ANKRD44: variants seen among roughly 807,000 people sequenced by gnomAD.
The protein encoded by ANKRD44 is ankyrin repeat domain 44, also known as serine/threonine-protein phosphatase 6 regulatory ankyrin repeat subunit B.
In ANKRD44, 35 loss-of-function variants were observed where a neutral mutation model predicts 116.0. That is an observed-to-expected ratio of 0.30 (90% CI 0.23 to 0.40). The LOEUF (loss-of-function observed/expected upper bound fraction) is 0.40, where lower values mean the gene tolerates loss of function less well. ANKRD44 is among the 10% of genes least tolerant of loss of function. The pLI is 1.00. For synonymous variants in ANKRD44, 435 were observed against 461.8 expected, an observed-to-expected ratio of 0.94 and a Z score of 0.74; for missense variants, 1,014 against 1,242.6, an observed-to-expected ratio of 0.82 and a Z score of 2.77.
chr2:196,995,337 T>A (rs778730304), intron 26 of ANKRD44, 42 bp downstream of exon 26: 21 of 1,430,788 alleles, frequency 1.5e-5, no homozygotes, highest in Middle Eastern at 1.8e-4. Context: ...AATAAATGAC[T>A]ATGACCCTGG....
chr2:197,229,601 A>G (rs2081807648), intron 1 of ANKRD44, among the ~76,000 whole-genome samples: 1 of 152,270 alleles, frequency 6.6e-6, no homozygotes, highest in Admixed American at 6.5e-5. Context: ...CAATATTGAC[A>G]GATAATATTT....
At chr2:197,230,119 C>A (rs2081823273) in intron 1 of ANKRD44, among the ~76,000 whole-genome samples, 1 of 152,032 alleles carries the variant, frequency 6.6e-6, no homozygotes, top group African/African-American at 2.4e-5. Flanking sequence ...TTCAGGGATG[C>A]ACTGTCTGTG....
intron 21 of ANKRD44, among the ~76,000 whole-genome samples, chr2:196,981,253 TACATAATC>T (rs1559392233): frequency 6.6e-6 from 1 of 152,230 alleles, no homozygotes; most frequent in Non-Finnish European, 1.5e-5. Context: ...ATCCATGATC[TACATAATC>T]ACATCCATTA....
chr2:197,132,243 T>C (rs566318101), intron 4 of ANKRD44, among the ~76,000 whole-genome samples: 1 of 152,094 alleles, frequency 6.6e-6, no homozygotes, highest in South Asian at 2.1e-4. Flanking sequence ...TAGGAAAGGG[T>C]CGTGGAATTG....
rs139549096 is a variant in ANKRD44, at chr2:196,987,765, G to A, written c.*1826C>T. On this transcript the variant is annotated 3_prime_UTR_variant, in exon 28 of 28. Coordinates refer to ENST00000282272, the MANE Select transcript of ANKRD44 (RefSeq NM_001195144.2). ...GTAAGTGCAATGAAACATGATCCTTGTAGTTGTGGTTAAAATACAGTCTAA... is the reference window on the plus strand; with the variant it reads ...GTAAGTGCAATGAAACATGATCCTTATAGTTGTGGTTAAAATACAGTCTAA... The A allele has an allele frequency of 1.0e-6, 1 of 985,306 alleles. No homozygotes were observed. Among genetic ancestry groups the A allele is most frequent in the Non-Finnish European group, 1.2e-6 (1 of 829,852 alleles). The allele number at this position is 985,306 out of a possible 1,614,324, so 61.0% of individuals were successfully genotyped here. A position where few individuals can be genotyped will look rare whatever the true frequency, so the allele number is the denominator to read the frequency against.
At chr2:197,176,136 C>A (rs1428236641) in intron 2 of ANKRD44, among the ~76,000 whole-genome samples, 2 of 152,140 alleles carry the variant, frequency 1.3e-5, no homozygotes, top group African/African-American at 4.8e-5. Flanking sequence ...GATGGCAGCA[C>A]AAAAGGAAAC....
intron 1 of ANKRD44, among the ~76,000 whole-genome samples, chr2:197,207,000 A>G (rs2081222662): frequency 6.6e-6 from 1 of 152,248 alleles, no homozygotes; most frequent in African/African-American, 2.4e-5. Flanking sequence ...TCATTCTTTG[A>G]AGAGAAGTGA....
intron 1 of ANKRD44, among the ~76,000 whole-genome samples, chr2:197,202,526 T>C (rs895519541): frequency 2.6e-5 from 4 of 152,150 alleles, no homozygotes; most frequent in African/African-American, 7.2e-5. Flanking sequence ...TGCTCAGAAC[T>C]GGTCAGAGTA....
rs2075858489 is a variant in ANKRD44, at chr2:196,988,050, GTCC to G, written c.*1538_*1540del. 7 of 985,206 alleles carry G rather than the reference GTCC, an allele frequency of 7.1e-6. No homozygotes were observed. The highest frequency in any genetic ancestry group is 3.5e-5 in the African/African-American group (2 of 57,208). 61.0% of individuals were successfully genotyped at this position (985,206 alleles called of 1,614,324 possible). ...GAGCATGATTTCATTTCGTTCCTTTGTCCTCCTTCTATGAGTAAGAGAGTGGGA... is the reference window on the plus strand; with the variant it reads ...GAGCATGATTTCATTTCGTTCCTTTGTCCTTCTATGAGTAAGAGAGTGGGA... On this transcript the variant is annotated 3_prime_UTR_variant, in exon 28 of 28. Coordinates refer to ENST00000282272, the MANE Select transcript of ANKRD44 (RefSeq NM_001195144.2).
Position 197,099,917 on chromosome 2 carries a change from G to C in ANKRD44, c.999C>G (p.Asp333Glu). Residue 333 changes from aspartate to glutamate, a missense_variant, in exon 10 of 28, where the codon GAC becomes GAG. Transcript: ENST00000282272. ...QTLIQNGGEI[D>E]CVDKDGNTPL... ...GAGTGTTGCCGTCCTTATCCACACAGTCAATTTCACCTCCTGAAAGAGATA... is the reference window on the plus strand; with the variant it reads ...GAGTGTTGCCGTCCTTATCCACACACTCAATTTCACCTCCTGAAAGAGATA... The C allele has an allele frequency of 1.2e-6, 2 of 1,614,022 alleles. No homozygotes were observed. The highest frequency in any genetic ancestry group is 1.7e-6 in the Non-Finnish European group (2 of 1,179,950).
rs1553489134 is a variant in ANKRD44, at chr2:197,026,055, A to AAAAC, written c.1651-789_1651-788insGTTT. 8.9e-3 allele frequency among the ~76,000 whole-genome samples: 1,352 copies of AAAAC among 151,388 alleles called. 52 individuals carry two copies. Among genetic ancestry groups the AAAAC allele is most frequent in the East Asian group, 0.075 (383 of 5,134 alleles). On this transcript the variant is annotated intron_variant, in intron 16 of 27. Coordinates refer to ENST00000282272, the MANE Select transcript of ANKRD44 (RefSeq NM_001195144.2). Reference sequence around the variant, plus strand: ...GGGGAGATAAAAAGAAACAAAAAAAAAAAAAACACCTTTCTGGGCAATTTG... The same window carrying AAAAC: ...GGGGAGATAAAAAGAAACAAAAAAAAAAACAAAAAACACCTTTCTGGGCAATTTG...
At chr2:197,214,128 A>G (rs1048964273) in intron 1 of ANKRD44, among the ~76,000 whole-genome samples, 3 of 152,184 alleles carry the variant, frequency 2.0e-5, no homozygotes, top group Admixed American at 2.0e-4. Context: ...GGAAATTACT[A>G]TAAGGAAATG....
chr2:197,233,155 C>A (rs889510394), intron 1 of ANKRD44, among the ~76,000 whole-genome samples: 2 of 152,234 alleles, frequency 1.3e-5, no homozygotes, highest in Non-Finnish European at 2.9e-5. Context: ...AATTCTGACC[C>A]TGTCACTTAA....
At chr2:197,118,651 G>GAAAGAAAGAAAGAAAA (rs1559077804) in intron 8 of ANKRD44, among the ~76,000 whole-genome samples, 14 of 150,394 alleles carry the variant, frequency 9.3e-5, no homozygotes, top group African/African-American at 3.2e-4. Context: ...AAGAAAGAAA[G>GAAAGAAAGAAAGAAAA]AAAGAAAGAA....
intron 16 of ANKRD44, among the ~76,000 whole-genome samples, chr2:197,048,141 T>C (rs1040276410): frequency 1.3e-5 from 2 of 152,144 alleles, no homozygotes; most frequent in African/African-American, 4.8e-5. Context: ...TATGAAAAAA[T>C]TTATTTTTAC....
At chr2:197,175,649 T>G (rs928819482) in intron 2 of ANKRD44, among the ~76,000 whole-genome samples, 4 of 152,206 alleles carry the variant, frequency 2.6e-5, no homozygotes, top group Non-Finnish European at 5.9e-5. Context: ...AGCAATGTGA[T>G]TCCTTCAATG....
At chr2:197,072,060 A>G (rs1574401352) in intron 16 of ANKRD44, among the ~76,000 whole-genome samples, 1 of 109,084 alleles carries the variant, frequency 9.2e-6, no homozygotes, top group Non-Finnish European at 2.0e-5. Flanking sequence ...GGAAGGAAGG[A>G]AGGAAGGAAG....
At chr2:197,127,703 G>C (rs890239920) in intron 4 of ANKRD44, among the ~76,000 whole-genome samples, 2 of 152,138 alleles carry the variant, frequency 1.3e-5, no homozygotes, top group Non-Finnish European at 2.9e-5. Context: ...GGGTACATGT[G>C]CAGAATGTAC....
At chr2:197,274,635 T>A (rs1274696284) in intron 1 of ANKRD44, among the ~76,000 whole-genome samples, 2 of 152,134 alleles carry the variant, frequency 1.3e-5, no homozygotes, top group Non-Finnish European at 2.9e-5. Context: ...CCTGCGTCCT[T>A]CCCTTCCTAC....
Sources: gnomAD v4.1 joint callset for allele counts (sites outside exome capture counted in the v4.1 genomes callset) on GRCh38, gnomAD v4.1.1 for gene constraint, MANE v1.5 for transcripts, NCBI Gene and HGNC (gene_info 2026-07-23, HGNC 2026-07-21) for gene names.